Variants in ALK observed in about 807,000 individuals in gnomAD.
ALK encodes ALK tyrosine kinase receptor.
In ALK, 74 loss-of-function variants were observed where a neutral mutation model predicts 163.1. That is an observed-to-expected ratio of 0.45 (90% CI 0.38 to 0.55). The LOEUF (loss-of-function observed/expected upper bound fraction) is 0.55, where lower values mean the gene tolerates loss of function less well. ALK is among the 20% of genes least tolerant of loss of function. The pLI, the probability that ALK is intolerant of heterozygous loss-of-function variation, is 0.00. For missense variants in ALK, 2,063 were observed against 2,105.3 expected, an observed-to-expected ratio of 0.98 and a Z score of 0.39; for synonymous variants, 960 against 843.2, an observed-to-expected ratio of 1.14 and a Z score of -2.40.
At chr2:29,539,887 C>G (rs928962309) in intron 3 of ALK, among the ~76,000 whole-genome samples, 12 of 152,198 alleles carry the variant, frequency 7.9e-5, no homozygotes, top group Admixed American at 4.6e-4. Context: ...GTTTTGTGAG[C>G]AAAATTAAAA....
At chr2:29,272,758 C>T (rs1012945577) in intron 11 of ALK, among the ~76,000 whole-genome samples, 37 of 152,170 alleles carry the variant, frequency 2.4e-4, no homozygotes, top group African/African-American at 7.7e-4. Context: ...GTTTACTGTT[C>T]GTTCAGGGCC....
chr2:29,815,289 G>A (rs531134739), intron 1 of ALK, among the ~76,000 whole-genome samples: 1 of 151,978 alleles, frequency 6.6e-6, no homozygotes, highest in Admixed American at 6.5e-5. Flanking sequence ...AAAAGATTTA[G>A]CACAGTACCT....
intron 4 of ALK, among the ~76,000 whole-genome samples, chr2:29,420,208 C>A (rs969625620): frequency 3.4e-5 from 5 of 147,824 alleles, no homozygotes; most frequent in Admixed American, 3.4e-4. Flanking sequence ...AGCTCCAATG[C>A]ATCATACAAA....
At chr2:29,319,346 G>C (rs1332950709) in intron 7 of ALK, 1 of 152,208 alleles carries the variant, frequency 6.6e-6, no homozygotes, top group Non-Finnish European at 1.5e-5. Context: ...TCTCAGTAAA[G>C]GCTGTTATTA....
chr2:29,274,479 C>T (rs376708053), intron 11 of ALK, among the ~76,000 whole-genome samples: 3 of 152,186 alleles, frequency 2.0e-5, no homozygotes, highest in South Asian at 2.1e-4. Context: ...TCAGCTTCTG[C>T]GGGGCTAGGT....
intron 3 of ALK, among the ~76,000 whole-genome samples, chr2:29,559,471 G>A (rs755509957): frequency 6.6e-6 from 1 of 152,170 alleles, no homozygotes. Context: ...TTTTTAATAT[G>A]TTCAGCTTTC....
rs764052586 is a variant in ALK at position 29,275,488 on chromosome 2, A to C, written c.1826T>G (p.Leu609Arg). The C allele has an allele frequency of 6.2e-7, 1 of 1,614,148 alleles. No individual in the cohort carries two copies. Among genetic ancestry groups the C allele is most frequent in the Non-Finnish European group, 8.5e-7 (1 of 1,179,998 alleles). The part of the protein sequence containing the change: ...PLLDVSDRFW[L>R]QMVAWWGQGS... ...TTGTCCCCACCATGCGACCATCTGC[A>C]GCCAGAACCTGTACACATCAAGAGG... is the stretch of plus-strand genomic sequence containing the variant. Residue 609 changes from leucine (L) to arginine (R), a missense_variant, in exon 10 of 29, where the codon CTG becomes CGG. Around this residue, in one of 5 missense-constraint regions of ALK, gnomAD observed 987 missense variants for 939.5 expected, o/e 1.05. Coordinates refer to ENST00000389048, the MANE Select transcript of ALK (RefSeq NM_004304.5).
At chr2:29,280,928 C>T (rs1665700421) in intron 9 of ALK, among the ~76,000 whole-genome samples, 2 of 151,408 alleles carry the variant, frequency 1.3e-5, no homozygotes, top group African/African-American at 4.9e-5. Context: ...CACTCTGGGA[C>T]TGAGGGAAGG....
chr2:29,385,381 T>TG (rs1288603343), intron 4 of ALK, among the ~76,000 whole-genome samples: 3 of 125,024 alleles, frequency 2.4e-5, no homozygotes, highest in Non-Finnish European at 3.4e-5. Flanking sequence ...CCTGTCAGGT[T>TG]GTTTTTTTTT....
intron 3 of ALK, among the ~76,000 whole-genome samples, chr2:29,638,911 T>C (rs1676621669): frequency 6.6e-6 from 1 of 152,186 alleles, no homozygotes; most frequent in African/African-American, 2.4e-5. Flanking sequence ...GTGAGGGACA[T>C]GCATGGCATC....
rs1408956474 is a variant in ALK, at chr2:29,920,573, C to T, written c.87G>A (p.Ala29=). 3 of 1,587,606 alleles carry T rather than the reference C, an allele frequency of 1.9e-6. No homozygotes were observed. Among genetic ancestry groups the T allele is most frequent in the East Asian group, 2.3e-5 (1 of 43,856 alleles). ...GCGGCGGCCCCGCAGCTGGGGAGCCCGCGCGCTGGCCGGTCCCCATCCCGG... is the reference window on the plus strand; with the variant it reads ...GCGGCGGCCCCGCAGCTGGGGAGCCTGCGCGCTGGCCGGTCCCCATCCCGG... ...VGSGMGTGQR[A]GSPAAGPPLQ... The change falls in exon 1 of 29, where the codon GCG becomes GCA. Residue 29 remains alanine (A), a synonymous_variant. Transcript: ENST00000389048.
chr2:29,650,894 A>G (rs1677018752), intron 3 of ALK, among the ~76,000 whole-genome samples: 1 of 152,144 alleles, frequency 6.6e-6, no homozygotes, highest in Non-Finnish European at 1.5e-5. Context: ...CAGCTGCACA[A>G]TGCTGATGCT....
At chr2:29,298,505 T>C (rs1666268519) in intron 8 of ALK, among the ~76,000 whole-genome samples, 1 of 152,212 alleles carries the variant, frequency 6.6e-6, no homozygotes, top group Admixed American at 6.5e-5. Flanking sequence ...TAATTTGAAC[T>C]TCCATGAATT....
At chr2:29,502,630 C>T (rs1370145690) in intron 4 of ALK, among the ~76,000 whole-genome samples, 2 of 151,994 alleles carry the variant, frequency 1.3e-5, no homozygotes, top group Non-Finnish European at 2.9e-5. Context: ...GGAACAGCAC[C>T]GGCCTGGGTA....
chr2:29,917,085 A>G (rs954722642), intron 1 of ALK, among the ~76,000 whole-genome samples: 1 of 152,206 alleles, frequency 6.6e-6, no homozygotes, highest in Non-Finnish European at 1.5e-5. Context: ...ATCACAAGCA[A>G]TGCAACGGTT....
intron 1 of ALK, 150 bp downstream of exon 1, chr2:29,919,843 A>C (rs1349860208): frequency 3.0e-6 from 3 of 999,418 alleles, no homozygotes; most frequent in African/African-American, 3.3e-5. Context: ...CTACGGTCTG[A>C]TTCGGGAAGG....
chr2:29,394,206 T>C (rs911478039), intron 4 of ALK, among the ~76,000 whole-genome samples: 1 of 151,910 alleles, frequency 6.6e-6, no homozygotes. Flanking sequence ...GTCCCAGTAG[T>C]ATTGTCTAAG....
intron 4 of ALK, among the ~76,000 whole-genome samples, chr2:29,423,401 T>G (rs1049387850): frequency 1.3e-5 from 2 of 152,226 alleles, no homozygotes; most frequent in Non-Finnish European, 2.9e-5. Flanking sequence ...GGCCCTTCAG[T>G]GACTAATCTC....
At chr2:29,479,321 A>G (rs1671604199) in intron 4 of ALK, among the ~76,000 whole-genome samples, 1 of 152,216 alleles carries the variant, frequency 6.6e-6, no homozygotes, top group Non-Finnish European at 1.5e-5. Flanking sequence ...GTCTTTCTTC[A>G]TACACAGATC....
Sources: allele counts gnomAD v4.1 joint callset (sites outside exome capture counted in the v4.1 genomes callset), GRCh38; gene constraint gnomAD v4.1.1; regional missense constraint gnomAD v4.1.1; transcripts MANE v1.5; gene names NCBI Gene and HGNC (gene_info 2026-07-23, HGNC 2026-07-21).